The following GIN1 variants were observed in gnomAD, a reference collection of about 807,000 sequenced individuals.
GIN1 encodes gypsy retrotransposon integrase 1, also known as gypsy retrotransposon integrase-like protein 1.
In GIN1, 41 loss-of-function variants were observed where a neutral mutation model predicts 51.4. The ratio of observed to expected loss-of-function variants is 0.80; its 90% CI spans 0.62 to 1.04. The LOEUF is 1.04. Among genes scored for constraint, GIN1 ranks in the 50% least tolerant of loss-of-function variants. The pLI is 0.00. For missense variants in GIN1, 610 were observed against 612.4 expected (o/e 1.00, Z 0.04); for synonymous variants, 222 against 206.5 (o/e 1.07, Z -0.64).
At chr5:103,112,448 C>A (rs2151476297) in intron 1 of GIN1, among the ~76,000 whole-genome samples, 1 of 152,244 alleles carries the variant, frequency 6.6e-6, no homozygotes, top group East Asian at 1.9e-4. Flanking sequence ...TGCCTCTGGG[C>A]ATTATCTTCC....
intron 1 of GIN1, among the ~76,000 whole-genome samples, chr5:103,110,568 A>C (rs1554196830): frequency 6.6e-6 from 1 of 152,188 alleles, no homozygotes; most frequent in Non-Finnish European, 1.5e-5. Flanking sequence ...GAACAGGCTA[A>C]AATTAAAAAC....
At chr5:103,102,354 T>A (rs1190403535) in intron 4 of GIN1, 2 of 152,160 alleles carry the variant, frequency 1.3e-5, no homozygotes, top group Non-Finnish European at 2.9e-5. Flanking sequence ...GTTGCCCCCT[T>A]AACATCTGTT....
Position 103,097,310 on chromosome 5 carries a change from T to A in GIN1, c.1008+4A>T, listed in dbSNP as rs782592648. 2 of 1,539,340 alleles carry A rather than the reference T, an allele frequency of 1.3e-6. No homozygotes were observed. Among genetic ancestry groups the A allele is most frequent in the Admixed American group, 1.8e-5 (1 of 56,108 alleles). ...ATTACAGTTTTTCTATTGAATAGAA[T>A]CACCTGGCCCAGTGAAGTTGTCTTA... On this transcript the variant is annotated splice_donor_region_variant and intron_variant, in intron 6 of 7. Coordinates refer to ENST00000399004, the MANE Select transcript of GIN1 (RefSeq NM_017676.2).
chr5:103,099,130 T>A (rs1418973630), intron 4 of GIN1, among the ~76,000 whole-genome samples: 2 of 151,754 alleles, frequency 1.3e-5, no homozygotes, highest in Admixed American at 1.3e-4. Flanking sequence ...GGGAAAGCAA[T>A]AAAAAGAAAA....
At position 103,104,691 on chromosome 5, in the gene GIN1, G is replaced by A. The variant is rs782205790; in HGVS notation, c.489C>T (p.Ile163=). 1.2e-6 allele frequency: 2 copies of A among 1,613,146 alleles called. No individual in the cohort carries two copies. Among genetic ancestry groups the A allele is most frequent in the Non-Finnish European group, 1.7e-6 (2 of 1,179,156 alleles). ...TSNRSHVYAI[I]MTDLFTKWIV... ...TCCATTTGGTGAACAAATCTGTCAT[G>A]ATTATAGCATATACATGACTTCTGT... The change falls in exon 4 of 8, where the codon ATC becomes ATT. Residue 163 remains isoleucine, a synonymous_variant. Coordinates refer to ENST00000399004, the MANE Select transcript of GIN1 (RefSeq NM_017676.2).
intron 4 of GIN1, among the ~76,000 whole-genome samples, chr5:103,101,476 T>C (rs1452543686): frequency 1.3e-5 from 2 of 152,210 alleles, no homozygotes; most frequent in Admixed American, 6.5e-5. Flanking sequence ...ATGGGGACTA[T>C]TGTAGTTAAT....
chr5:103,101,617 T>C (rs1285634987), intron 4 of GIN1, among the ~76,000 whole-genome samples: 2 of 152,204 alleles, frequency 1.3e-5, no homozygotes, highest in Non-Finnish European at 2.9e-5. Flanking sequence ...TGCAAAAATC[T>C]AAGCTCCCTG....
intron 1 of GIN1, among the ~76,000 whole-genome samples, 185 bp downstream of exon 1, chr5:103,119,879 T>C (rs889131238): frequency 7.6e-4 from 116 of 152,314 alleles, no homozygotes; most frequent in African/African-American, 2.7e-3. Context: ...TCTGCTCAGC[T>C]AGCGCGGGAC....
rs1178782290 is a variant in GIN1 at position 103,087,362 on chromosome 5, T to C, written c.*536A>G. The stretch of plus-strand genomic sequence containing the variant: ...GTTTCAGACCCTAATCCTGACCCTA[T>C]CTAACCAATTAGATAATTTGAAATT... On this transcript the variant is annotated 3_prime_UTR_variant, in exon 8 of 8. Transcript: ENST00000399004. 2.6e-5 allele frequency: 4 copies of C among 152,212 alleles called. No individual in the cohort carries two copies. The highest frequency in any genetic ancestry group is 5.9e-5 in the Non-Finnish European group (4 of 68,050). The allele number at this position is 152,212 out of a possible 1,614,324, so 9.4% of individuals were successfully genotyped here. A position where few individuals can be genotyped will look rare whatever the true frequency, so the allele number is the denominator to read the frequency against.
chr5:103,089,396 TATAG>T (rs1222574495), intron 7 of GIN1, among the ~76,000 whole-genome samples: 1 of 152,150 alleles, frequency 6.6e-6, no homozygotes, highest in African/African-American at 2.4e-5. Context: ...AACATCAGAA[TATAG>T]ATATAGATAT....
intron 7 of GIN1, among the ~76,000 whole-genome samples, chr5:103,095,242 C>T (rs1787359764): frequency 6.6e-6 from 1 of 152,154 alleles, no homozygotes; most frequent in South Asian, 2.1e-4. Flanking sequence ...TTATCCACCT[C>T]AGAGAAGATC....
At chr5:103,106,640 A>T (rs1229393906) in intron 3 of GIN1, 76 bp downstream of exon 3, 10 of 879,316 alleles carry the variant, frequency 1.1e-5, no homozygotes, top group African/African-American at 1.1e-4. Context: ...ACCCAGAATA[A>T]ATCTGGAGAA....
Position 103,108,726 on chromosome 5 carries a change from G to A in GIN1, c.-7-12C>T. On this transcript the variant is annotated splice_polypyrimidine_tract_variant and intron_variant, in intron 1 of 7. Transcript: ENST00000399004. Reference sequence around the variant, plus strand: ...GGACCATTGTGAACCTAGGTAAAAGGTATTTAAAAAGATAACTTAAATTTT... The same window carrying A: ...GGACCATTGTGAACCTAGGTAAAAGATATTTAAAAAGATAACTTAAATTTT... 4 of 1,554,538 alleles carry A rather than the reference G, an allele frequency of 2.6e-6. No homozygotes were observed. The highest frequency in any genetic ancestry group is 3.5e-6 in the Non-Finnish European group (4 of 1,141,530).
intron 1 of GIN1, among the ~76,000 whole-genome samples, chr5:103,117,064 A>C (rs34779): frequency 6.6e-6 from 1 of 151,868 alleles, no homozygotes; most frequent in Non-Finnish European, 1.5e-5. Flanking sequence ...CCAAAAGAAA[A>C]TATGTACACC....
At chr5:103,117,141 T>G (rs1788053531) in intron 1 of GIN1, among the ~76,000 whole-genome samples, 1 of 152,070 alleles carries the variant, frequency 6.6e-6, no homozygotes, top group East Asian at 1.9e-4. Context: ...AAACAAATGT[T>G]CATCAACTGG....
At chr5:103,104,041 C>T (rs2151470621) in intron 4 of GIN1, among the ~76,000 whole-genome samples, 1 of 152,272 alleles carries the variant, frequency 6.6e-6, no homozygotes, top group African/African-American at 2.4e-5. Context: ...GCAACCTCTA[C>T]CTCCCAGGTT....
chr5:103,118,351 T>A (rs1490261855), intron 1 of GIN1, among the ~76,000 whole-genome samples: 2 of 140,606 alleles, frequency 1.4e-5, no homozygotes, highest in Non-Finnish European at 3.3e-5. Context: ...TGGTAATGTA[T>A]AATTATTATC....
intron 1 of GIN1, among the ~76,000 whole-genome samples, chr5:103,112,124 A>G (rs1787905317): frequency 6.6e-6 from 1 of 152,282 alleles, no homozygotes; most frequent in South Asian, 2.1e-4. Flanking sequence ...GAGCTCTTTA[A>G]GGTTTTTGGT....
chr5:103,105,268 G>C (rs1787692926), intron 3 of GIN1, among the ~76,000 whole-genome samples: 3 of 152,040 alleles, frequency 2.0e-5, no homozygotes, highest in Admixed American at 2.0e-4. Context: ...TGTGGTGCTG[G>C]AACCAATCCC....
Sources: allele counts gnomAD v4.1 joint callset (sites outside exome capture counted in the v4.1 genomes callset), GRCh38; gene constraint gnomAD v4.1.1; transcripts MANE v1.5; gene names NCBI Gene and HGNC (gene_info 2026-07-23, HGNC 2026-07-21).